Variants in TAS2R1 observed in about 807,000 individuals in gnomAD.
TAS2R1 encodes taste receptor type 2 member 1.
For synonymous variants in TAS2R1, 141 were observed against 134.2 expected (o/e 1.05, Z -0.35); for missense variants, 370 against 353.4 (o/e 1.05, Z -0.38).
upstream of TAS2R1, among the ~76,000 whole-genome samples, chr5:9,632,476 C>T (rs1473375249): frequency 1.3e-5 from 2 of 152,272 alleles, no homozygotes; most frequent in African/African-American, 4.8e-5. Flanking sequence ...CTTCCTTTCA[C>T]AAAAGACCTC....
intron 1 of TAS2R1, among the ~76,000 whole-genome samples, chr5:9,703,611 T>C (rs948182177): frequency 6.6e-6 from 1 of 152,106 alleles, no homozygotes; most frequent in African/African-American, 2.4e-5. Context: ...CCCGGTAAGC[T>C]ATGAGGACCA....
At chr5:9,861,966 T>C in the TAS2R1 span, among the ~76,000 whole-genome samples, 1 of 152,188 alleles carries the variant, frequency 6.6e-6, no homozygotes, top group Non-Finnish European at 1.5e-5. Flanking sequence ...ATGCGATGGG[T>C]GATCCTCAAA....
the TAS2R1 span, chr5:9,903,444 T>G: frequency 2.0e-5 from 3 of 152,062 alleles, no homozygotes; most frequent in Non-Finnish European, 4.4e-5. Context: ...GTGTACACTG[T>G]ACCCAATGTG....
chr5:9,756,586 T>C, the TAS2R1 span, among the ~76,000 whole-genome samples: 1 of 152,212 alleles, frequency 6.6e-6, no homozygotes. Flanking sequence ...AAGAAATACA[T>C]AGCACATAAA....
the TAS2R1 span, among the ~76,000 whole-genome samples, chr5:9,794,429 C>T: frequency 2.0e-5 from 3 of 152,072 alleles, no homozygotes; most frequent in African/African-American, 4.8e-5. Flanking sequence ...AATTTAACTA[C>T]TTCAGTTTAC....
In TAS2R1 at chr5:9,709,219, T is replaced by G. The variant is rs543947113; in HGVS notation, c.-242+2953A>C. Among the ~76,000 whole-genome samples, 4 of 152,154 alleles carry G rather than the reference T, an allele frequency of 2.6e-5. No homozygotes were observed. In the East Asian group the frequency reaches 7.7e-4, roughly 29 times the overall value. ...AAAAAAAAAAAGAAAAGAAAACCCT[T>G]TCCAGAAATACCTTCCACAGACTCA... On this transcript the variant is annotated intron_variant, in intron 1 of 2. Transcript: ENST00000506620.
chr5:9,811,365 T>A, the TAS2R1 span, among the ~76,000 whole-genome samples: 1 of 152,304 alleles, frequency 6.6e-6, no homozygotes, highest in African/African-American at 2.4e-5. Context: ...CAGACTAAAA[T>A]TTTTCTTACA....
At chr5:9,894,011 T>G in the TAS2R1 span, among the ~76,000 whole-genome samples, 1 of 152,188 alleles carries the variant, frequency 6.6e-6, no homozygotes, top group Non-Finnish European at 1.5e-5. Context: ...TACCTCAGAA[T>G]GTAACTGTGT....
intron 1 of TAS2R1, among the ~76,000 whole-genome samples, chr5:9,711,958 G>A (rs893895842): frequency 3.6e-5 from 5 of 138,012 alleles, no homozygotes; most frequent in Admixed American, 7.9e-5. Context: ...GAGCCACTGT[G>A]CCCAGCCTTA....
At chr5:9,661,604 G>C (rs1206866282) in intron 1 of TAS2R1, among the ~76,000 whole-genome samples, 1 of 152,156 alleles carries the variant, frequency 6.6e-6, no homozygotes, top group African/African-American at 2.4e-5. Context: ...ATTTCCTCAA[G>C]TCTATTTTTA....
chr5:9,842,932 G>A, the TAS2R1 span, among the ~76,000 whole-genome samples: 1 of 152,100 alleles, frequency 6.6e-6, no homozygotes, highest in Non-Finnish European at 1.5e-5. Context: ...ATAGCTTGAG[G>A]AAGAAAACCA....
chr5:9,701,896 T>C (rs1157928150), intron 1 of TAS2R1, among the ~76,000 whole-genome samples: 1 of 152,192 alleles, frequency 6.6e-6, no homozygotes, highest in Non-Finnish European at 1.5e-5. Flanking sequence ...GAATGAACAA[T>C]TTCTTAATTT....
intron 1 of TAS2R1, among the ~76,000 whole-genome samples, chr5:9,667,582 C>G (rs903008865): frequency 1.8e-4 from 27 of 152,294 alleles, no homozygotes; most frequent in Admixed American, 1.8e-3. Context: ...TGTCTGCCAG[C>G]TTTGGCCCCT....
the TAS2R1 span, among the ~76,000 whole-genome samples, chr5:9,842,507 G>C: frequency 1.8e-3 from 269 of 151,936 alleles, 2 homozygotes; most frequent in Non-Finnish European, 1.1e-3. Context: ...TATTTTAGTA[G>C]AGAAGGGGTT....
At chr5:9,845,073 C>A in the TAS2R1 span, among the ~76,000 whole-genome samples, 1 of 152,118 alleles carries the variant, frequency 6.6e-6, no homozygotes. Flanking sequence ...TACATTGAAG[C>A]CCTAATGCCC....
chr5:9,754,593 C>T, the TAS2R1 span, among the ~76,000 whole-genome samples: 3 of 152,178 alleles, frequency 2.0e-5, no homozygotes, highest in African/African-American at 7.2e-5. Context: ...CACAAGCATT[C>T]TTATACATCA....
chr5:9,679,188 T>C (rs1459738375), intron 1 of TAS2R1, among the ~76,000 whole-genome samples: 1 of 152,200 alleles, frequency 6.6e-6, no homozygotes, highest in African/African-American at 2.4e-5. Flanking sequence ...TTATCAGTGA[T>C]TGTCAGGGGA....
At chr5:9,806,069 G>A in the TAS2R1 span, among the ~76,000 whole-genome samples, 5 of 152,040 alleles carry the variant, frequency 3.3e-5, no homozygotes, top group East Asian at 3.9e-4. Context: ...CAAAATTAAC[G>A]CACATAAATC....
the TAS2R1 span, among the ~76,000 whole-genome samples, chr5:9,777,491 C>A: frequency 5.9e-5 from 9 of 152,214 alleles, no homozygotes; most frequent in African/African-American, 1.7e-4. Context: ...TCCAGTTCTC[C>A]CACTATTTTC....
Sources: gnomAD v4.1 joint callset for allele counts (sites outside exome capture counted in the v4.1 genomes callset) on GRCh38, gnomAD v4.1.1 for gene constraint, MANE v1.5 for transcripts, NCBI Gene and HGNC (gene_info 2026-07-23, HGNC 2026-07-21) for gene names.